MYOM1: variants seen among roughly 807,000 people sequenced by gnomAD.
MYOM1 encodes myomesin 1.
Under a neutral mutation model 205.3 loss-of-function variants are expected in MYOM1, and 164 were observed. That is an observed-to-expected ratio of 0.80 (90% CI 0.70 to 0.91). The LOEUF (loss-of-function observed/expected upper bound fraction) is 0.91. MYOM1 is among the 40% of genes least tolerant of loss of function. The pLI is 0.00. For synonymous variants in MYOM1, 772 were observed against 789.4 expected (o/e 0.98, Z 0.37); for missense variants, 2,011 against 2,127.3 (o/e 0.95, Z 1.08).
chr18:3,150,425 T>C (rs182233960), intron 12 of MYOM1, among the ~76,000 whole-genome samples: 1 of 151,060 alleles, frequency 6.6e-6, no homozygotes. Context: ...AAGAATAACA[T>C]TGTGAATGTA....
rs2080601276 is a variant in MYOM1 at position 3,174,177 on chromosome 18, C to G, written c.1054G>C (p.Ala352Pro). 1 of 1,613,906 alleles carries G rather than the reference C, an allele frequency of 6.2e-7. No individual in the cohort carries two copies. Among genetic ancestry groups the G allele is most frequent in the South Asian group, 1.1e-5 (1 of 91,094 alleles). Residue 352 changes from alanine (A) to proline (P), a missense_variant, in exon 7 of 38, where the codon GCC becomes CCC. Coordinates refer to ENST00000356443, the MANE Select transcript of MYOM1 (RefSeq NM_003803.4). ...CDFEDTAQYRASAMNVKGELS... is the reference protein window; with the variant it reads ...CDFEDTAQYRPSAMNVKGELS... ...TCTCCTTTAACATTCATCGCCGAGG[C>G]CCGGTACTGAGCTGTATCTTCAAAA...
intron 22 of MYOM1, among the ~76,000 whole-genome samples, chr18:3,107,407 G>A (rs1249760037): frequency 1.3e-5 from 2 of 152,152 alleles, no homozygotes; most frequent in African/African-American, 4.8e-5. Flanking sequence ...GTGAGCCACC[G>A]CACCCGGCCA....
At chr18:3,107,716 C>T (rs924212407) in intron 22 of MYOM1, among the ~76,000 whole-genome samples, 2 of 152,180 alleles carry the variant, frequency 1.3e-5, no homozygotes, top group South Asian at 4.1e-4. Context: ...ATGAAACCGC[C>T]TTTGCAAAAT....
intron 14 of MYOM1, among the ~76,000 whole-genome samples, chr18:3,136,240 G>C (rs991021563): frequency 8.6e-5 from 13 of 151,986 alleles, no homozygotes; most frequent in Admixed American, 7.9e-4. Context: ...AAATTACCCA[G>C]TCTCTGGTAT....
chr18:3,097,109 A>G (rs1214729001), intron 25 of MYOM1, among the ~76,000 whole-genome samples: 3 of 152,234 alleles, frequency 2.0e-5, no homozygotes, highest in Admixed American at 1.3e-4. Context: ...ATAAAGGAAT[A>G]CTATACTCTT....
the MYOM1 span, among the ~76,000 whole-genome samples, chr18:3,242,447 A>G: frequency 5.3e-5 from 8 of 152,200 alleles, no homozygotes; most frequent in African/African-American, 1.9e-4. Context: ...AAGCCTCCCC[A>G]GCCACATGGA....
At chr18:3,224,363 T>G (rs2081343738), upstream of MYOM1, among the ~76,000 whole-genome samples, 1 of 152,170 alleles carries the variant, frequency 6.6e-6, no homozygotes, top group Non-Finnish European at 1.5e-5. Context: ...ATCTGGGCAA[T>G]GGCAAAATTA....
intron 34 of MYOM1, among the ~76,000 whole-genome samples, chr18:3,077,211 G>T (rs893233943): frequency 6.6e-6 from 1 of 151,652 alleles, no homozygotes; most frequent in Non-Finnish European, 1.5e-5. Flanking sequence ...TAGAGACAGG[G>T]TCTTGCGATG....
rs1446237446 is a variant in MYOM1, at chr18:3,147,072, T to C, written c.1900+2073A>G. Among the ~76,000 whole-genome samples the C allele has an allele frequency of 1.4e-4, 20 of 141,010 alleles. No individual in the cohort carries two copies. The East Asian group carries it at 3.9e-3, about 27-fold the overall frequency. The allele number at this position is 141,010 out of a possible 152,430, so 92.5% of individuals were successfully genotyped here. ...TATATATTATATATAAATATATATC[T>C]TATATATAAATATTATACATTATAG... On this transcript the variant is annotated intron_variant, in intron 13 of 37. Transcript: ENST00000356443.
At chr18:3,153,902 A>G (rs2080255193) in intron 11 of MYOM1, among the ~76,000 whole-genome samples, 1 of 152,192 alleles carries the variant, frequency 6.6e-6, no homozygotes, top group East Asian at 1.9e-4. Context: ...ATTTAGGCCA[A>G]ATCTAAATTT....
In MYOM1 at chr18:3,215,059, G is replaced by C; in HGVS notation, c.165C>G (p.Arg55=). ...AYSSRSSAAH[R]RESEAFRRAS... is the part of the protein sequence containing the mutation. ...CCCGACGGAAGGCCTCGGACTCCCGGCGGTGCGCGGCGGAGGAGCGGCTGC... is the reference window on the plus strand; with the variant it reads ...CCCGACGGAAGGCCTCGGACTCCCGCCGGTGCGCGGCGGAGGAGCGGCTGC... The change falls in exon 2 of 38, where the codon CGC becomes CGG. Residue 55 remains arginine, a synonymous_variant. Transcript: ENST00000356443. The C allele has an allele frequency of 6.2e-7, 1 of 1,613,440 alleles. No individual in the cohort carries two copies. Among genetic ancestry groups the C allele is most frequent in the Non-Finnish European group, 8.5e-7 (1 of 1,179,768 alleles).
rs73936915 is a variant in MYOM1 at position 3,099,990 on chromosome 18, G to T, written c.3727+169C>A. ...GGTATCTCTGGAGAACAACCGCAAA[G>T]GAAAAGGCATCACTTCTAGAAAGCA... is the stretch of plus-strand genomic sequence containing the variant. On this transcript the variant is annotated intron_variant, in intron 25 of 37. Coordinates refer to ENST00000356443, the MANE Select transcript of MYOM1 (RefSeq NM_003803.4). Among the ~76,000 whole-genome samples, 11,770 of 152,186 alleles carry T rather than the reference G, an allele frequency of 0.077. 494 individuals are homozygous for T. The highest frequency in any genetic ancestry group is 0.15 in the East Asian group (799 of 5,160).
Position 3,193,961 on chromosome 18 carries a change from G to C in MYOM1, c.291-3C>G. 6.2e-7 allele frequency: 1 copy of C among 1,612,660 alleles called. No individual in the cohort carries two copies. Among genetic ancestry groups the C allele is most frequent in the Non-Finnish European group, 8.5e-7 (1 of 1,179,290 alleles). Reference sequence around the variant, plus strand: ...ACAGCAGACTGGAATCTGTAAGTCTGAAATAAACCACCTAACATCAGACAG... The same window carrying C: ...ACAGCAGACTGGAATCTGTAAGTCTCAAATAAACCACCTAACATCAGACAG... On this transcript the variant is annotated splice_region_variant and splice_polypyrimidine_tract_variant and intron_variant, in intron 2 of 37. Transcript: ENST00000356443.
At chr18:3,114,346 C>T (rs114891583) in intron 21 of MYOM1, among the ~76,000 whole-genome samples, 4,296 of 151,332 alleles carry the variant, frequency 0.028, 89 homozygotes, top group South Asian at 0.082. Flanking sequence ...ACCACAAATA[C>T]GTAATCGAGA....
intron 1 of MYOM1, 117 bp from the exon 2 acceptor site, chr18:3,215,368 G>C (rs1368057202): frequency 1.2e-6 from 1 of 826,498 alleles, no homozygotes; most frequent in African/African-American, 1.7e-5. Flanking sequence ...GTTCATGCTT[G>C]AAATCCCAAC....
At chr18:3,149,754 T>G (rs933862751) in intron 12 of MYOM1, among the ~76,000 whole-genome samples, 5 of 152,102 alleles carry the variant, frequency 3.3e-5, no homozygotes, top group Non-Finnish European at 5.9e-5. Flanking sequence ...GGGTACAAAG[T>G]TAAAGAGGAA....
At chr18:3,155,267 G>T (rs1263873962) in intron 10 of MYOM1, among the ~76,000 whole-genome samples, 179 bp from the exon 11 acceptor site, 1 of 152,176 alleles carries the variant, frequency 6.6e-6, no homozygotes, top group Non-Finnish European at 1.5e-5. Flanking sequence ...TGTCACCCAG[G>T]CTGGAGGGCA....
At chr18:3,146,041 A>G (rs1157971077) in intron 13 of MYOM1, among the ~76,000 whole-genome samples, 2 of 152,120 alleles carry the variant, frequency 1.3e-5, no homozygotes, top group South Asian at 4.1e-4. Flanking sequence ...TTACTCAAGA[A>G]AAAGTAAATA....
intron 19 of MYOM1, among the ~76,000 whole-genome samples, chr18:3,125,491 C>T (rs991614874): frequency 2.0e-5 from 3 of 151,328 alleles, no homozygotes; most frequent in Admixed American, 6.6e-5. Context: ...CAGTGGCTCA[C>T]GCTTGTAATC....
Sources: gnomAD v4.1 joint callset for allele counts (sites outside exome capture counted in the v4.1 genomes callset) on GRCh38, gnomAD v4.1.1 for gene constraint, MANE v1.5 for transcripts, NCBI Gene and HGNC (gene_info 2026-07-23, HGNC 2026-07-21) for gene names.